The following WAPL variants were observed in gnomAD, a reference collection of about 807,000 sequenced individuals.
WAPL encodes the protein wings apart-like protein homolog.
WAPL carries 5 observed loss-of-function variants against 121.0 expected under a neutral mutation model. That is an observed-to-expected ratio of 0.04 (90% CI 0.02 to 0.09). The LOEUF (loss-of-function observed/expected upper bound fraction) is 0.09, where lower values mean the gene tolerates loss of function less well. Ranked by LOEUF, WAPL falls within the 10% of genes least tolerant of loss-of-function variation. The pLI, the probability that WAPL is intolerant of heterozygous loss-of-function variation, is 1.00. For missense variants in WAPL, 999 were observed against 1,410.8 expected, an observed-to-expected ratio of 0.71 and a Z score of 4.68; for synonymous variants, 480 against 481.5, an observed-to-expected ratio of 1.00 and a Z score of 0.04.
At chr10:86,521,219 G>T (rs1044500626) in intron 1 of WAPL, 146 bp downstream of exon 1, 2 of 197,044 alleles carry the variant, frequency 1.0e-5, no homozygotes, top group Admixed American at 1.3e-4. Flanking sequence ...GGGAAAAAAA[G>T]AGTTCCTCAG....
chr10:86,478,551 A>G (rs1841711543), intron 4 of WAPL, among the ~76,000 whole-genome samples: 1 of 152,208 alleles, frequency 6.6e-6, no homozygotes. Context: ...CCATTTTAGC[A>G]TATTTCAATA....
At position 86,467,346 on chromosome 10, in the gene WAPL, A is replaced by G. The variant is rs751683868; in HGVS notation, c.2303T>C (p.Ile768Thr). Residue 768 changes from isoleucine (I) to threonine (T), a missense_variant, in exon 9 of 19, where the codon ATT (isoleucine) becomes ACT (threonine). Transcript: ENST00000298767. Reference sequence around the variant, plus strand: ...ACAGAGCCTTCGGATTTTTTCTTTAATTTTGTTCATGTCTTTTTCATTCAG... The same window carrying G: ...ACAGAGCCTTCGGATTTTTTCTTTAGTTTTGTTCATGTCTTTTTCATTCAG... ...KLLNEKDMNK[I>T]KEKIRRLCET... is the part of the protein sequence containing the mutation. The G allele has an allele frequency of 6.2e-7, 1 of 1,613,892 alleles. No individual in the cohort carries two copies. Among genetic ancestry groups the G allele is most frequent in the African/African-American group, 1.3e-5 (1 of 74,890 alleles).
intron 2 of WAPL, among the ~76,000 whole-genome samples, chr10:86,516,744 T>C (rs1417141814): frequency 1.3e-5 from 2 of 152,140 alleles, no homozygotes; most frequent in Non-Finnish European, 2.9e-5. Flanking sequence ...CTAGATGCTA[T>C]ATTTACAAAT....
At chr10:86,455,133 C>A (rs1408122744) in intron 12 of WAPL, among the ~76,000 whole-genome samples, 1 of 150,834 alleles carries the variant, frequency 6.6e-6, no homozygotes, top group Non-Finnish European at 1.5e-5. Flanking sequence ...CCCGGCCACC[C>A]CGTCTGGGAA....
rs771694894 is a variant in WAPL at position 86,518,010 on chromosome 10, G to A, written c.60C>T (p.Phe20=). Reference sequence around the variant, plus strand: ...TCCGTTTGTTGGAAAAGACTTCATCGAATTTTGAACTGCCATTTCCACCTT... The same window carrying A: ...TCCGTTTGTTGGAAAAGACTTCATCAAATTTTGAACTGCCATTTCCACCTT... The part of the protein sequence containing the change: ...SRKGGNGSSK[F]DEVFSNKRTT... The change falls in exon 2 of 19, where the codon TTC becomes TTT. Residue 20 remains phenylalanine, a synonymous_variant. Coordinates refer to ENST00000298767, the MANE Select transcript of WAPL (RefSeq NM_015045.5). 1.2e-5 allele frequency: 20 copies of A among 1,614,022 alleles called. No homozygotes were observed. The highest frequency in any genetic ancestry group is 3.3e-5 in the South Asian group (3 of 91,074).
chr10:86,513,040 C>T (rs12257334), intron 2 of WAPL, among the ~76,000 whole-genome samples: 3,121 of 152,100 alleles, frequency 0.021, 122 homozygotes, highest in African/African-American at 0.071. Context: ...GTAGGTTTTG[C>T]GGGGTTTTTT....
In WAPL at chr10:86,472,805, T is replaced by C. The variant is rs368832153; in HGVS notation, c.1741-41A>G. On this transcript the variant is annotated intron_variant, in intron 5 of 18. Transcript: ENST00000298767. The surrounding 1 kb of genome is among the most constrained non-coding windows in gnomAD (Gnocchi z 4.2). ...TTAAATTAGTTGTTCTAAATAAATA[T>C]ATAAAAATAGGAACGTCTCATCTAT... 11 of 1,511,788 alleles carry C rather than the reference T, an allele frequency of 7.3e-6. No individual in the cohort carries two copies. The highest frequency in any genetic ancestry group is 7.1e-5 in the African/African-American group (5 of 70,268). The allele number at this position is 1,511,788 out of a possible 1,614,324, so 93.6% of individuals were successfully genotyped here.
chr10:86,452,389 C>T (rs536418751), intron 14 of WAPL, among the ~76,000 whole-genome samples: 4 of 151,148 alleles, frequency 2.6e-5, no homozygotes, highest in South Asian at 2.1e-4. Flanking sequence ...GCCAGGAGCT[C>T]GAGACCAACC....
intron 2 of WAPL, among the ~76,000 whole-genome samples, chr10:86,516,893 G>C (rs771389425): frequency 8.5e-5 from 13 of 152,078 alleles, no homozygotes; most frequent in Non-Finnish European, 1.8e-4. Context: ...GACCATCCTG[G>C]CTAACACAGT....
At chr10:86,485,905 GA>G (rs1157231780) in intron 4 of WAPL, among the ~76,000 whole-genome samples, 2 of 151,764 alleles carry the variant, frequency 1.3e-5, no homozygotes, top group African/African-American at 4.8e-5. Context: ...AAACAATGAT[GA>G]AAAAAAGCCA....
intron 1 of WAPL, among the ~76,000 whole-genome samples, chr10:86,520,588 A>G (rs1298834279): frequency 6.6e-6 from 1 of 152,140 alleles, no homozygotes; most frequent in Non-Finnish European, 1.5e-5. Context: ...ATAAGTGTGC[A>G]GACGTCCTTG....
intron 1 of WAPL, among the ~76,000 whole-genome samples, chr10:86,518,332 C>T (rs1342015416): frequency 1.3e-5 from 2 of 152,214 alleles, no homozygotes; most frequent in Non-Finnish European, 2.9e-5. Flanking sequence ...AGTAAAAAAA[C>T]TTAATGATTA....
At chr10:86,455,715 GA>G (rs138596829) in intron 12 of WAPL, among the ~76,000 whole-genome samples, 45,269 of 134,172 alleles carry the variant, frequency 0.34, 8,020 homozygotes, top group Non-Finnish European at 0.42. Context: ...GAAAAAAAAA[GA>G]AAAAAAGAAA....
intron 12 of WAPL, among the ~76,000 whole-genome samples, chr10:86,455,683 T>TAAAAAAAAAAAA (rs539594893): frequency 6.9e-5 from 2 of 29,096 alleles, no homozygotes; most frequent in African/African-American, 1.4e-4. Context: ...CAATAAATAC[T>TAAAAAAAAAAAA]AAAAAAAAAA....
chr10:86,518,515 C>T (rs1190725656), intron 1 of WAPL, among the ~76,000 whole-genome samples: 1 of 152,196 alleles, frequency 6.6e-6, no homozygotes, highest in East Asian at 1.9e-4. Context: ...TGAGACCAGC[C>T]TGCCCAACAC....
intron 4 of WAPL, among the ~76,000 whole-genome samples, chr10:86,496,414 T>C (rs916673681): frequency 1.3e-5 from 2 of 152,016 alleles, no homozygotes; most frequent in South Asian, 2.1e-4. Flanking sequence ...CCTACCATAC[T>C]GACCCAGGAA....
At chr10:86,468,843 G>C (rs1040816504) in intron 8 of WAPL, among the ~76,000 whole-genome samples, 1 of 152,032 alleles carries the variant, frequency 6.6e-6, no homozygotes, top group African/African-American at 2.4e-5. Context: ...GCTCACGTCT[G>C]TAATCCCAGC....
At chr10:86,515,652 G>A (rs373906457) in intron 2 of WAPL, among the ~76,000 whole-genome samples, 2 of 151,898 alleles carry the variant, frequency 1.3e-5, no homozygotes, top group Admixed American at 6.6e-5. Context: ...CATGATGGCA[G>A]GTGCCTATAA....
chr10:86,455,330 G>A (rs1377506974), intron 12 of WAPL, among the ~76,000 whole-genome samples: 1 of 152,182 alleles, frequency 6.6e-6, no homozygotes, highest in Admixed American at 6.5e-5. Flanking sequence ...ATTTTGTTCT[G>A]TACTAAGAAA....
Sources: gnomAD v4.1 joint callset for allele counts (sites outside exome capture counted in the v4.1 genomes callset) on GRCh38, gnomAD v4.1.1 for gene constraint, Gnocchi (gnomAD v3.1) non-coding constraint, MANE v1.5 for transcripts, NCBI Gene and HGNC (gene_info 2026-07-23, HGNC 2026-07-21) for gene names.